TRMT2A: variants seen among roughly 807,000 people sequenced by gnomAD.
TRMT2A encodes the protein tRNA methyltransferase 2A, also known as tRNA (uracil-5-)-methyltransferase homolog A.
In TRMT2A, 60 loss-of-function variants were observed where a neutral mutation model predicts 59.3. That is an observed-to-expected ratio of 1.01 (90% confidence interval 0.82 to 1.26). TRMT2A has a LOEUF of 1.26. Ranked by LOEUF, TRMT2A falls within the 50% of genes most tolerant of loss-of-function variation. TRMT2A has a pLI of 0.00. For missense variants in TRMT2A, 863 were observed against 845.2 expected, an observed-to-expected ratio of 1.02 and a Z score of -0.26; for synonymous variants, 403 against 353.7, an observed-to-expected ratio of 1.14 and a Z score of -1.56.
In TRMT2A at chr22:20,115,051, C is replaced by G. The variant is rs1555881945; in HGVS notation, c.919G>C (p.Glu307Gln). ...RSTPYSAYDP[E>Q]TYTGHWKQLT... ...TGCTTCCAGTGGCCTGTGTACGTCT[C>G]TGGGTCGTATGCCGAGTATGGAGTG... The change falls in exon 5 of 12, where the codon GAG becomes CAG. Residue 307 changes from glutamate (E) to glutamine (Q), a missense_variant. Glu to Gln is a conservative substitution (Grantham distance 29). Transcript: ENST00000252136. The G allele has an allele frequency of 6.3e-7, 1 of 1,595,700 alleles. No individual in the cohort carries two copies. Among genetic ancestry groups the G allele is most frequent in the Non-Finnish European group, 8.5e-7 (1 of 1,175,102 alleles).
rs757663099 is a variant in TRMT2A, at chr22:20,116,465, C to G, written c.172G>C (p.Gly58Arg). 1 of 1,612,776 alleles carries G rather than the reference C, an allele frequency of 6.2e-7. No homozygotes were observed. The highest frequency in any genetic ancestry group is 1.7e-5 in the Admixed American group (1 of 59,998). Residue 58 changes from glycine to arginine, a missense_variant, in exon 2 of 12, where the codon GGG becomes CGG. By Grantham distance (125) the Gly-to-Arg change is moderately radical (BLOSUM62 -2). Coordinates refer to ENST00000252136, the MANE Select transcript of TRMT2A (RefSeq NM_022727.6). ...TCATCCCTGATGTAGCTGTAGAGCC[C>G]GGGCTGAGGCCCCGGCCCTGTAGCC... ...GAATGPGPQP[G>R]LYSYIRDDLF...
chr22:20,116,830 C>T (rs920922227), intron 1 of TRMT2A, 53 bp downstream of exon 1: 63 of 1,522,230 alleles, frequency 4.1e-5, no homozygotes, highest in Non-Finnish European at 5.3e-5. Flanking sequence ...CTGACCCACC[C>T]CGCCTCCTCC....
rs779712851 is a variant in TRMT2A at position 20,115,413 on chromosome 22, C to G, written c.743G>C (p.Gly248Ala). 49 of 1,611,810 alleles carry G rather than the reference C, an allele frequency of 3.0e-5. No individual in the cohort carries two copies. The highest frequency in any genetic ancestry group is 4.0e-5 in the Non-Finnish European group (47 of 1,179,574). Residue 248 changes from glycine (G) to alanine (A), a missense_variant, in exon 4 of 12, where the codon GGC becomes GCC. By Grantham distance (60) the Gly-to-Ala change is moderately conservative (BLOSUM62 0). Transcript: ENST00000252136. ...GTTATCCTCCCCATCCACCCCGACG[C>G]CAACCAGAAACTCACACTTATTACG... Reference protein sequence around the residue: ...EYRNKCEFLVGVGVDGEDNTV... With the variant: ...EYRNKCEFLVAVGVDGEDNTV...
rs766337761 is a variant in TRMT2A, at chr22:20,113,775, CTG to C, written c.1265_1266del (p.Thr422SerfsTer56). The part of the protein sequence containing the change: ...VNTPAAEVLY[T>X]VIQDWAQLDA... ...TCCAATTGGGCCCAGTCCTGGATGA[CTG>C]TGTAGAGCACCTCGGCTGCGGGTGT... On this transcript the variant is annotated frameshift_variant, in exon 8 of 12. Transcript: ENST00000252136. LOFTEE classifies it high-confidence loss of function. The C allele has an allele frequency of 4.4e-6, 7 of 1,603,256 alleles. 1 individual carries two copies. In the South Asian group the frequency reaches 4.4e-5, roughly 10 times the overall value.
At chr22:20,112,831 T>C in intron 11 of TRMT2A, 37 bp from the exon 12 acceptor site, 1 of 1,612,582 alleles carries the variant, frequency 6.2e-7, no homozygotes, top group Non-Finnish European at 8.5e-7. Flanking sequence ...GGTCAGCCGA[T>C]AGGCTAATCA....
rs1400960661 is a variant in TRMT2A, at chr22:20,113,009, T to G, written c.1550-2A>C. On this transcript the variant is annotated splice_acceptor_variant, in intron 10 of 11. Coordinates refer to ENST00000252136, the MANE Select transcript of TRMT2A (RefSeq NM_022727.6). LOFTEE classifies it high-confidence loss of function. ...GGATGGCCAGGATCACCTTGGAATC[T>G]GAGGAGGCAAACACCAGCTGGGTCC... The G allele has an allele frequency of 6.2e-7, 1 of 1,613,556 alleles. No individual in the cohort carries two copies.
chr22:20,114,168 C>G (rs1050065147), intron 7 of TRMT2A, among the ~76,000 whole-genome samples: 7 of 152,196 alleles, frequency 4.6e-5, no homozygotes, highest in Admixed American at 1.3e-4. Context: ...CTCCCACCCC[C>G]ACACCTAGCC....
chr22:20,113,386 G>T, intron 9 of TRMT2A, 46 bp downstream of exon 9: 2 of 1,575,480 alleles, frequency 1.3e-6, no homozygotes, highest in Non-Finnish European at 8.6e-7. Context: ...CAGCAGGGGT[G>T]GCGGCTGCCC....
intron 1 of TRMT2A, 115 bp downstream of exon 1, chr22:20,116,768 T>G: frequency 1.5e-6 from 2 of 1,371,570 alleles, no homozygotes; most frequent in Non-Finnish European, 9.9e-7. Context: ...TCCCGTCTCC[T>G]TTCCTCCCCT....
Position 20,112,731 on chromosome 22 carries a change from T to C in TRMT2A, c.1710A>G (p.Ala570=). Residue 570 remains alanine (A), a synonymous_variant, in exon 12 of 12, where the codon GCA becomes GCG. Transcript: ENST00000252136. Reference sequence around the variant, plus strand: ...GCGGGGTCTGCGGGAACAGGTCCACTGCCACAGCCTTGACCGGCCGGAAGG... The same window carrying C: ...GCGGGGTCTGCGGGAACAGGTCCACCGCCACAGCCTTGACCGGCCGGAAGG... ...GIPFRPVKAV[A]VDLFPQTPHC... 1.9e-6 allele frequency: 3 copies of C among 1,613,860 alleles called. No individual in the cohort carries two copies. Among genetic ancestry groups the C allele is most frequent in the Non-Finnish European group, 2.5e-6 (3 of 1,180,014 alleles).
In TRMT2A at chr22:20,116,449, A is replaced by G; in HGVS notation, c.188T>C (p.Ile63Thr). The G allele has an allele frequency of 6.2e-7, 1 of 1,612,806 alleles. No homozygotes were observed. The highest frequency in any genetic ancestry group is 8.5e-7 in the Non-Finnish European group (1 of 1,179,874). Residue 63 changes from isoleucine (I) to threonine (T), a missense_variant, in exon 2 of 12, where the codon ATC becomes ACC. Transcript: ENST00000252136. Reference sequence around the variant, plus strand: ...CTCAGAGGTAAACAAGTCATCCCTGATGTAGCTGTAGAGCCCGGGCTGAGG... The same window carrying G: ...CTCAGAGGTAAACAAGTCATCCCTGGTGTAGCTGTAGAGCCCGGGCTGAGG... Reference protein sequence around the residue: ...PGPQPGLYSYIRDDLFTSEIF... With the variant: ...PGPQPGLYSYTRDDLFTSEIF...
intron 3 of TRMT2A, 75 bp downstream of exon 3, chr22:20,115,597 A>G (rs1324252076): frequency 6.3e-7 from 1 of 1,579,458 alleles, no homozygotes. Flanking sequence ...AGGGAGATCA[A>G]CAGGAAGGGT....
In TRMT2A at chr22:20,116,306, A is replaced by AG. The variant is rs1227689832; in HGVS notation, c.330dup (p.Cys111LeufsTer50). 6.2e-7 allele frequency: 1 copy of AG among 1,612,934 alleles called. No individual in the cohort carries two copies. The highest frequency in any genetic ancestry group is 8.5e-7 in the Non-Finnish European group (1 of 1,180,016). On this transcript the variant is annotated frameshift_variant, in exon 2 of 12. Transcript: ENST00000252136. LOFTEE classifies it high-confidence loss of function. ...GCGCTGCGGAATGTCACAAAGGCGC[A>AG]GGGTGGTTGCCCAAAGAGTTTGGTT...
rs757189027 is a variant in TRMT2A at position 20,113,586 on chromosome 22, G to A, written c.1357-79C>T. The A allele has an allele frequency of 3.1e-6, 5 of 1,607,726 alleles. No homozygotes were observed. The East Asian group carries it at 6.7e-5, about 22-fold the overall frequency. ...CCTGTGGGCAGCAAAGAGGAGCTGGGCCTGGGGCATGATGGAGTCAGCTGT... is the reference window on the plus strand; with the variant it reads ...CCTGTGGGCAGCAAAGAGGAGCTGGACCTGGGGCATGATGGAGTCAGCTGT... On this transcript the variant is annotated intron_variant, in intron 8 of 11. Coordinates refer to ENST00000252136, the MANE Select transcript of TRMT2A (RefSeq NM_022727.6).
intron 7 of TRMT2A, 107 bp downstream of exon 7, chr22:20,114,467 A>C: frequency 4.3e-6 from 4 of 930,134 alleles, no homozygotes; most frequent in Non-Finnish European, 7.0e-6. Context: ...ACCTGCCTGG[A>C]TACTCCCCCA....
At chr22:20,113,260 CAG>C (rs2049903297) in intron 9 of TRMT2A, 26 bp from the exon 10 acceptor site, 1 of 1,525,890 alleles carries the variant, frequency 6.6e-7, no homozygotes, top group African/African-American at 1.4e-5. Flanking sequence ...CGTGGCCTGT[CAG>C]AGGGCCACAT....
In TRMT2A at chr22:20,112,910, C is replaced by A; in HGVS notation, c.1646+1G>T. ...CCACCCAGGCCCCTGCAGACACTCA[C>A]TCCACAAAGTTGCCCATGGCTGCCC... On this transcript the variant is annotated splice_donor_variant, in intron 11 of 11. Transcript: ENST00000252136. LOFTEE classifies it high-confidence loss of function. The A allele has an allele frequency of 1.9e-6, 3 of 1,613,734 alleles. No homozygotes were observed. The highest frequency in any genetic ancestry group is 2.2e-5 in the East Asian group (1 of 44,868).
In TRMT2A at chr22:20,112,185, C is replaced by T. The variant is rs1306216134; in HGVS notation, c.*378G>A. ...ACATTCTTTTTTAAAGTAAGCTCTG[C>T]CCTGACTCCCCCAGCCATGCAGAGA... On this transcript the variant is annotated 3_prime_UTR_variant, in exon 12 of 12. Transcript: ENST00000252136. 3.8e-6 allele frequency: 1 copy of T among 260,220 alleles called. No homozygotes were observed. Among genetic ancestry groups the T allele is most frequent in the Non-Finnish European group, 7.3e-6 (1 of 137,428 alleles). The allele number at this position is 260,220 out of a possible 1,614,324, so 16.1% of individuals were successfully genotyped here. A position where few individuals can be genotyped will look rare whatever the true frequency, so the allele number is the denominator to read the frequency against.
rs770834451 is a variant in TRMT2A, at chr22:20,116,608, G to A, written c.29C>T (p.Pro10Leu). MSENLDNEG[P>L]KPMESCGQES... is the part of the protein sequence containing the mutation. ...CTGGCCACAGCTCTCCATGGGCTTC[G>A]GGCCCTGTGTGGGGACAGATGGGGT... is the stretch of plus-strand genomic sequence containing the variant. The change falls in exon 2 of 12, where the codon CCG becomes CTG. Residue 10 changes from proline to leucine, a missense_variant. Coordinates refer to ENST00000252136, the MANE Select transcript of TRMT2A (RefSeq NM_022727.6). The A allele has an allele frequency of 2.0e-6, 3 of 1,536,980 alleles. No homozygotes were observed. The highest frequency in any genetic ancestry group is 2.1e-5 in the Admixed American group (1 of 48,028).
Sources: allele counts gnomAD v4.1 joint callset (sites outside exome capture counted in the v4.1 genomes callset), GRCh38; gene constraint gnomAD v4.1.1; transcripts MANE v1.5; gene names NCBI Gene and HGNC (gene_info 2026-07-23, HGNC 2026-07-21).